The following GABBR2 variants were observed in gnomAD, a reference collection of about 807,000 sequenced individuals.
GABBR2 encodes the protein gamma-aminobutyric acid type B receptor subunit 2.
In GABBR2, 23 loss-of-function variants were observed where a neutral mutation model predicts 105.6. The observed-to-expected ratio is 0.22, with a 90% CI of 0.16 to 0.31. The LOEUF is 0.31. GABBR2 is among the 10% of genes least tolerant of loss of function. The pLI is 1.00. For missense variants in GABBR2, 734 were observed against 1,245.5 expected, an observed-to-expected ratio of 0.59 and a Z score of 6.18; for synonymous variants, 478 against 499.7, an observed-to-expected ratio of 0.96 and a Z score of 0.58.
chr9:98,501,495 G>A (rs1418983789), intron 3 of GABBR2, among the ~76,000 whole-genome samples: 1 of 152,116 alleles, frequency 6.6e-6, no homozygotes, highest in Non-Finnish European at 1.5e-5. Context: ...ATCACATCTA[G>A]AATGAAGGAA....
chr9:98,300,590 T>C lies in GABBR2; in HGVS notation c.2413-1237A>G, dbSNP rs1179098532. Among the ~76,000 whole-genome samples, 5 of 152,316 alleles carry C rather than the reference T, an allele frequency of 3.3e-5. No homozygotes were observed. The East Asian group carries it at 9.6e-4, about 29-fold the overall frequency. ...CTGTGATATTACCATATCTGTATAA[T>C]AGAATGGCTTTCATCCATGATTCCT... On this transcript the variant is annotated intron_variant, in intron 16 of 18. Transcript: ENST00000259455.
intron 11 of GABBR2, among the ~76,000 whole-genome samples, chr9:98,384,218 A>G (rs1187806576): frequency 6.6e-6 from 1 of 152,244 alleles, no homozygotes; most frequent in Admixed American, 6.5e-5. Context: ...ATCATAGTCA[A>G]TGTCCAGAAA....
intron 9 of GABBR2, 105 bp from the exon 10 acceptor site, chr9:98,389,109 T>G: frequency 1.1e-6 from 1 of 945,308 alleles, no homozygotes; most frequent in Non-Finnish European, 1.6e-6. Context: ...GCGCACAAAC[T>G]CTACACAAGG....
At chr9:98,415,316 G>A (rs59255918) in intron 7 of GABBR2, among the ~76,000 whole-genome samples, 112 of 151,894 alleles carry the variant, frequency 7.4e-4, no homozygotes, top group African/African-American at 1.8e-3. Context: ...ACATTTTACC[G>A]GCAAAAATAG....
chr9:98,411,296 C>T (rs1345346958), intron 7 of GABBR2, among the ~76,000 whole-genome samples: 1 of 152,206 alleles, frequency 6.6e-6, no homozygotes, highest in African/African-American at 2.4e-5. Flanking sequence ...TATAGGGTAA[C>T]TTACGGATAA....
At chr9:98,474,003 C>T (rs191675498) in intron 5 of GABBR2, among the ~76,000 whole-genome samples, 9 of 152,240 alleles carry the variant, frequency 5.9e-5, no homozygotes, top group Non-Finnish European at 1.2e-4. Flanking sequence ...CTTGGCAAAC[C>T]GAGAAGTCGC....
At chr9:98,362,017 T>C (rs1410854885) in intron 13 of GABBR2, among the ~76,000 whole-genome samples, 1 of 152,218 alleles carries the variant, frequency 6.6e-6, no homozygotes, top group Non-Finnish European at 1.5e-5. Context: ...ACAGAGATTC[T>C]TATTTTCTTA....
At chr9:98,509,814 G>A (rs536948533) in intron 3 of GABBR2, among the ~76,000 whole-genome samples, 17 of 152,310 alleles carry the variant, frequency 1.1e-4, no homozygotes, top group East Asian at 3.9e-4. Context: ...TGAAAGTGAC[G>A]GGGAGAATGG....
At chr9:98,658,427 G>GAA in intron 1 of GABBR2, among the ~76,000 whole-genome samples, 1 of 152,080 alleles carries the variant, frequency 6.6e-6, no homozygotes, top group Non-Finnish European at 1.5e-5. Context: ...ATGAATGAAT[G>GAA]TATGCTGGTG....
At chr9:98,611,969 A>C (rs1357508974) in intron 1 of GABBR2, among the ~76,000 whole-genome samples, 1 of 152,272 alleles carries the variant, frequency 6.6e-6, no homozygotes, top group East Asian at 1.9e-4. Flanking sequence ...GAGGTGGAGA[A>C]CAGGCCTGCT....
intron 1 of GABBR2, among the ~76,000 whole-genome samples, chr9:98,608,430 T>C (rs1360328795): frequency 1.3e-5 from 2 of 152,198 alleles, no homozygotes; most frequent in Admixed American, 1.3e-4. Context: ...TGTTGTATAA[T>C]CATGTTCTGA....
chr9:98,312,644 A>ACTT (rs944967754), intron 13 of GABBR2, among the ~76,000 whole-genome samples: 1 of 152,246 alleles, frequency 6.6e-6, no homozygotes, highest in African/African-American at 2.4e-5. Flanking sequence ...GTCATTTATT[A>ACTT]CTTTGGTAGC....
At chr9:98,450,081 A>C (rs1826205794) in intron 7 of GABBR2, among the ~76,000 whole-genome samples, 1 of 152,208 alleles carries the variant, frequency 6.6e-6, no homozygotes, top group Non-Finnish European at 1.5e-5. Context: ...ATATTGAATC[A>C]ATTGAAATTG....
chr9:98,614,018 T>A (rs1409391253), intron 1 of GABBR2, among the ~76,000 whole-genome samples: 1 of 152,216 alleles, frequency 6.6e-6, no homozygotes, highest in Non-Finnish European at 1.5e-5. Context: ...ATGATTACAA[T>A]TCTCATCAGA....
At chr9:98,412,705 G>A (rs991096195) in intron 7 of GABBR2, among the ~76,000 whole-genome samples, 2 of 152,120 alleles carry the variant, frequency 1.3e-5, no homozygotes, top group Non-Finnish European at 2.9e-5. Context: ...AAAATATTAC[G>A]CCAGTGTTCC....
At chr9:98,453,038 T>TC (rs1826259598) in intron 7 of GABBR2, among the ~76,000 whole-genome samples, 2 of 152,348 alleles carry the variant, frequency 1.3e-5, no homozygotes, top group Admixed American at 6.5e-5. Flanking sequence ...CCTTTTTTTT[T>TC]CTTTTGAGAT....
intron 4 of GABBR2, among the ~76,000 whole-genome samples, chr9:98,491,167 G>T (rs1046471124): frequency 6.6e-6 from 1 of 152,122 alleles, no homozygotes; most frequent in African/African-American, 2.4e-5. Flanking sequence ...TTATTCTCAA[G>T]GTGGATTGAA....
intron 14 of GABBR2, among the ~76,000 whole-genome samples, chr9:98,310,153 A>G (rs1023808513): frequency 1.3e-5 from 2 of 152,188 alleles, no homozygotes; most frequent in Non-Finnish European, 2.9e-5. Context: ...TATAGGAGAG[A>G]AGATTCAAGG....
intron 2 of GABBR2, among the ~76,000 whole-genome samples, chr9:98,568,107 G>A (rs1828776405): frequency 6.6e-6 from 1 of 152,116 alleles, no homozygotes; most frequent in Non-Finnish European, 1.5e-5. Flanking sequence ...TGGATGCGGG[G>A]ACCACATCTC....
Sources: allele counts gnomAD v4.1 joint callset (sites outside exome capture counted in the v4.1 genomes callset), GRCh38; gene constraint gnomAD v4.1.1; transcripts MANE v1.5; gene names NCBI Gene and HGNC (gene_info 2026-07-23, HGNC 2026-07-21).